Variants in SNTG2 observed in about 807,000 individuals in gnomAD.
The protein encoded by SNTG2 is gamma-2-syntrophin.
Under a neutral mutation model 70.9 loss-of-function variants are expected in SNTG2, and 74 were observed. The observed-to-expected ratio is 1.04, with a 90% CI of 0.86 to 1.27. The LOEUF (loss-of-function observed/expected upper bound fraction) is 1.27. Among genes scored for constraint, SNTG2 ranks in the 50% most tolerant of loss-of-function variants. The pLI, the probability that SNTG2 is intolerant of heterozygous loss-of-function variation, is 0.00. For synonymous variants in SNTG2, 278 were observed against 273.8 expected, an observed-to-expected ratio of 1.02 and a Z score of -0.15; for missense variants, 717 against 690.7, an observed-to-expected ratio of 1.04 and a Z score of -0.43.
chr2:1,146,551 C>T lies in SNTG2; in HGVS notation c.411+8742C>T, dbSNP rs373565446. Among the ~76,000 whole-genome samples the T allele has an allele frequency of 7.4e-4, 113 of 152,154 alleles. 2 individuals carry two copies. The South Asian group carries it at 0.02, about 27-fold the overall frequency. On this transcript the variant is annotated intron_variant, in intron 6 of 16. Coordinates refer to ENST00000308624, the MANE Select transcript of SNTG2 (RefSeq NM_018968.4). ...TTTTGTGGATATTGACAAATTGAGT[C>T]TAAAGTTTATATGGAGATGGAAAGA...
chr2:1,096,568 G>A (rs896187817), intron 2 of SNTG2, among the ~76,000 whole-genome samples: 3 of 152,268 alleles, frequency 2.0e-5, no homozygotes, highest in South Asian at 4.1e-4. Flanking sequence ...GCAGGAGACC[G>A]TGTGGTATTT....
rs201874455 is a variant in SNTG2 at position 1,308,878 on chromosome 2, G to GA, written c.1377+300dup. 3.3e-3 allele frequency among the ~76,000 whole-genome samples: 496 copies of GA among 151,856 alleles called. 5 individuals are homozygous for GA. Among genetic ancestry groups the GA allele is most frequent in the African/African-American group, 0.011 (462 of 41,404 alleles). On this transcript the variant is annotated intron_variant, in intron 15 of 16. Coordinates refer to ENST00000308624, the MANE Select transcript of SNTG2 (RefSeq NM_018968.4). ...CCCACAACACTTGAGTAAACGCTTT[G>GA]AAAAAAAACACTCATCGTTGCCTGC...
chr2:996,673 G>GTTTTTTTTTGTTTTTTTTTT (rs1661691160), intron 1 of SNTG2, among the ~76,000 whole-genome samples: 1 of 35,114 alleles, frequency 2.8e-5, no homozygotes, highest in African/African-American at 1.3e-4. Flanking sequence ...GAGTTACCCA[G>GTTTTTTTTTGTTTTTTTTTT]TTTTTTTTTT....
At chr2:1,231,621 C>G (rs1676251165) in intron 9 of SNTG2, among the ~76,000 whole-genome samples, 1 of 152,174 alleles carries the variant, frequency 6.6e-6, no homozygotes, top group African/African-American at 2.4e-5. Context: ...GAGCTCCTCC[C>G]TTCACCTCCC....
intron 1 of SNTG2, among the ~76,000 whole-genome samples, chr2:1,071,661 AAACT>A (rs1663565650): frequency 6.6e-6 from 1 of 151,932 alleles, no homozygotes; most frequent in Non-Finnish European, 1.5e-5. Context: ...AAAAAAAAAA[AAACT>A]AGAGAAGATC....
intron 8 of SNTG2, among the ~76,000 whole-genome samples, chr2:1,203,269 T>C (rs1009015343): frequency 2.0e-5 from 3 of 152,168 alleles, no homozygotes; most frequent in Non-Finnish European, 4.4e-5. Context: ...TCTAACTCTT[T>C]CAGGAAATAG....
At chr2:1,228,671 G>C (rs995418750) in intron 9 of SNTG2, among the ~76,000 whole-genome samples, 1 of 152,214 alleles carries the variant, frequency 6.6e-6, no homozygotes, top group African/African-American at 2.4e-5. Context: ...TCGTTGTCAG[G>C]TGTGCAGCCT....
At chr2:1,234,832 T>A (rs1676500474) in intron 9 of SNTG2, among the ~76,000 whole-genome samples, 1 of 152,186 alleles carries the variant, frequency 6.6e-6, no homozygotes, top group African/African-American at 2.4e-5. Flanking sequence ...GGTGTAAACC[T>A]CCAAAGGCAG....
chr2:1,035,818 G>C (rs1366319224), intron 1 of SNTG2, among the ~76,000 whole-genome samples: 1 of 151,824 alleles, frequency 6.6e-6, no homozygotes, highest in African/African-American at 2.4e-5. Context: ...TTTTTATTTT[G>C]TCTGCACATC....
At chr2:1,251,558 AAATAG>A (rs771488835) in intron 12 of SNTG2, among the ~76,000 whole-genome samples, 1 of 148,050 alleles carries the variant, frequency 6.8e-6, no homozygotes, top group Non-Finnish European at 1.5e-5. Context: ...CACACCATAC[AAATAG>A]AACACACACC....
chr2:1,329,084 G>T (rs948038948), intron 16 of SNTG2, among the ~76,000 whole-genome samples: 9 of 150,866 alleles, frequency 6.0e-5, no homozygotes, highest in Admixed American at 2.0e-4. Flanking sequence ...AACATTCCTG[G>T]TTTTTTTTTC....
intron 1 of SNTG2, among the ~76,000 whole-genome samples, chr2:1,072,337 C>CTTTTTT (rs1553319303): frequency 8.3e-6 from 1 of 120,664 alleles, no homozygotes; most frequent in African/African-American, 3.0e-5. Flanking sequence ...TTTTTCTTTT[C>CTTTTTT]TTTTTCTTTT....
intron 14 of SNTG2, among the ~76,000 whole-genome samples, chr2:1,282,862 C>T (rs776368411): frequency 2.0e-5 from 3 of 152,148 alleles, no homozygotes; most frequent in Non-Finnish European, 4.4e-5. Flanking sequence ...CCCAACACGT[C>T]GGCCTACGAA....
intron 1 of SNTG2, among the ~76,000 whole-genome samples, chr2:1,057,884 A>T (rs576702655): frequency 5.3e-5 from 8 of 152,152 alleles, no homozygotes; most frequent in East Asian, 3.9e-4. Context: ...CAAAAGATTT[A>T]AAAAAAATTA....
chr2:1,168,883 G>A (rs978738051), intron 7 of SNTG2, among the ~76,000 whole-genome samples: 2 of 152,178 alleles, frequency 1.3e-5, no homozygotes, highest in African/African-American at 4.8e-5. Flanking sequence ...GGCCGTAGAG[G>A]CAGAACATGT....
intron 9 of SNTG2, among the ~76,000 whole-genome samples, chr2:1,214,178 A>G (rs1572743787): frequency 6.6e-6 from 1 of 152,204 alleles, no homozygotes; most frequent in Non-Finnish European, 1.5e-5. Flanking sequence ...GAAATCAGGT[A>G]GTGTGATGCC....
chr2:1,116,694 GTGGGTGCTCTGGTGTA>G, intron 4 of SNTG2, among the ~76,000 whole-genome samples: 1 of 146,256 alleles, frequency 6.8e-6, no homozygotes, highest in South Asian at 2.2e-4. Flanking sequence ...GCTCTGGTGT[GTGGGTGCTCTGGTGTA>G]TGGGTGCCCT....
intron 14 of SNTG2, among the ~76,000 whole-genome samples, chr2:1,306,024 A>C (rs1680653247): frequency 6.6e-6 from 1 of 152,208 alleles, no homozygotes; most frequent in Non-Finnish European, 1.5e-5. Context: ...ACTAGATTTA[A>C]ATTCTAGAGA....
chr2:981,884 T>G (rs1661112335), intron 1 of SNTG2, among the ~76,000 whole-genome samples: 1 of 151,548 alleles, frequency 6.6e-6, no homozygotes, highest in Non-Finnish European at 1.5e-5. Flanking sequence ...CAGATATACA[T>G]TCACATGCGT....
Sources: allele counts gnomAD v4.1 joint callset (sites outside exome capture counted in the v4.1 genomes callset), GRCh38; gene constraint gnomAD v4.1.1; transcripts MANE v1.5; gene names NCBI Gene and HGNC (gene_info 2026-07-23, HGNC 2026-07-21).